Variants in PTPRM observed in about 807,000 individuals in gnomAD.
PTPRM encodes the protein protein tyrosine phosphatase receptor type M.
Under a neutral mutation model 186.7 loss-of-function variants are expected in PTPRM, and 47 were observed. The ratio of observed to expected loss-of-function variants is 0.25; its 90% CI spans 0.20 to 0.32. PTPRM has a LOEUF of 0.32. Among genes scored for constraint, PTPRM ranks in the 10% least tolerant of loss-of-function variants. PTPRM has a pLI of 1.00. For synonymous variants in PTPRM, 668 were observed against 674.9 expected (o/e 0.99, Z 0.16); for missense variants, 1,494 against 1,865.0 (o/e 0.80, Z 3.66).
At chr18:8,248,296 G>C (rs2094496327) in intron 17 of PTPRM, 120 bp downstream of exon 17, 2 of 996,302 alleles carry the variant, frequency 2.0e-6, no homozygotes, top group Non-Finnish European at 1.6e-6. Flanking sequence ...CACGACATGT[G>C]GGAGGTGGGT....
intron 2 of PTPRM, among the ~76,000 whole-genome samples, chr18:7,839,559 A>G (rs1379858988): frequency 6.6e-6 from 1 of 152,212 alleles, no homozygotes; most frequent in South Asian, 2.1e-4. Context: ...AGCTAGTATT[A>G]TAGATGTAAG....
At chr18:7,943,856 C>T (rs1380129830) in intron 5 of PTPRM, among the ~76,000 whole-genome samples, 1 of 152,146 alleles carries the variant, frequency 6.6e-6, no homozygotes. Context: ...TCTCTAGACC[C>T]TTATTTTAAT....
chr18:8,393,553 A>G (rs684391), intron 31 of PTPRM, among the ~76,000 whole-genome samples: 152,063 of 152,344 alleles, frequency 1, 75,892 homozygotes, highest in Middle Eastern at 1. Flanking sequence ...AGGAACTAGT[A>G]AGATGTGACT....
intron 32 of PTPRM, among the ~76,000 whole-genome samples, chr18:8,397,182 A>C (rs2095849220): frequency 6.6e-6 from 1 of 152,224 alleles, no homozygotes; most frequent in Non-Finnish European, 1.5e-5. Context: ...GGTGCAATAG[A>C]GGGGCCCTCG....
At chr18:7,911,910 T>G (rs2050291916) in intron 4 of PTPRM, among the ~76,000 whole-genome samples, 2 of 141,618 alleles carry the variant, frequency 1.4e-5, no homozygotes, top group Non-Finnish European at 3.0e-5. Flanking sequence ...TGGAGTGCAG[T>G]GCTGTGATCT....
chr18:7,743,179 T>C (rs572555141), intron 1 of PTPRM, among the ~76,000 whole-genome samples: 19 of 152,360 alleles, frequency 1.2e-4, no homozygotes, highest in African/African-American at 4.6e-4. Flanking sequence ...CTACTGCCTG[T>C]ATGGCCGCTG....
chr18:8,359,000 G>C (rs1298601304), intron 23 of PTPRM, among the ~76,000 whole-genome samples: 1 of 152,168 alleles, frequency 6.6e-6, no homozygotes, highest in Admixed American at 6.5e-5. Flanking sequence ...CACTACACCT[G>C]TTTGAAATGA....
chr18:7,746,713 G>T (rs538729527), intron 1 of PTPRM, among the ~76,000 whole-genome samples: 1 of 152,236 alleles, frequency 6.6e-6, no homozygotes, highest in East Asian at 1.9e-4. Context: ...TGATCTTCCT[G>T]CCTTGACCTC....
intron 23 of PTPRM, among the ~76,000 whole-genome samples, chr18:8,367,336 G>T (rs1489627240): frequency 6.6e-6 from 1 of 152,252 alleles, no homozygotes; most frequent in Non-Finnish European, 1.5e-5. Context: ...CTGTGCTCGG[G>T]AGGGGCCTTG....
intron 4 of PTPRM, among the ~76,000 whole-genome samples, chr18:7,925,482 C>T (rs899343785): frequency 3.9e-5 from 6 of 152,060 alleles, no homozygotes; most frequent in African/African-American, 1.4e-4. Context: ...TACGTTCTGC[C>T]CAGGCTAATA....
rs569112420 is a variant in PTPRM at position 8,395,551 on chromosome 18, A to G, written c.4344+940A>G. 3.3e-3 allele frequency among the ~76,000 whole-genome samples: 494 copies of G among 151,714 alleles called. 1 individual carries two copies. Among genetic ancestry groups the G allele is most frequent in the Admixed American group, 5.4e-3 (82 of 15,224 alleles). ...AAACGTGTCCCACTCATCACGAACC[A>G]CTCTCCAGGGCATCCACTTTGCCCA... On this transcript the variant is annotated intron_variant, in intron 32 of 32. Coordinates refer to ENST00000580170, the MANE Select transcript of PTPRM (RefSeq NM_001105244.2).
intron 7 of PTPRM, among the ~76,000 whole-genome samples, chr18:7,998,918 C>G (rs1007447418): frequency 7.2e-5 from 11 of 152,148 alleles, no homozygotes; most frequent in African/African-American, 2.7e-4. Flanking sequence ...GCCTCCCAAA[C>G]TGCTGGGATT....
At chr18:8,314,571 T>G (rs566206356) in intron 20 of PTPRM, among the ~76,000 whole-genome samples, 13 of 152,368 alleles carry the variant, frequency 8.5e-5, no homozygotes, top group African/African-American at 3.1e-4. Flanking sequence ...AATAAGTTAA[T>G]GAGATTTACT....
intron 13 of PTPRM, among the ~76,000 whole-genome samples, chr18:8,138,299 G>A (rs1273462564): frequency 6.6e-6 from 1 of 151,082 alleles, no homozygotes; most frequent in Non-Finnish European, 1.5e-5. Flanking sequence ...TACAGCCACA[G>A]CCCCACTTCC....
chr18:8,262,776 A>G (rs2094647808), intron 19 of PTPRM, among the ~76,000 whole-genome samples: 1 of 152,230 alleles, frequency 6.6e-6, no homozygotes, highest in South Asian at 2.1e-4. Flanking sequence ...TTTATTCAGT[A>G]CGTATTTGAC....
chr18:8,366,602 A>G (rs1305516477), intron 23 of PTPRM, among the ~76,000 whole-genome samples: 3 of 152,158 alleles, frequency 2.0e-5, no homozygotes, highest in Non-Finnish European at 4.4e-5. Flanking sequence ...ATCTTTTTTC[A>G]GGAAGTTAGA....
intron 2 of PTPRM, among the ~76,000 whole-genome samples, chr18:7,801,680 C>T (rs1210668759): frequency 6.6e-6 from 1 of 152,168 alleles, no homozygotes; most frequent in Non-Finnish European, 1.5e-5. Flanking sequence ...ACTCGCAGCA[C>T]GGAAGGCTTT....
At chr18:8,352,921 T>C (rs377233716) in intron 23 of PTPRM, among the ~76,000 whole-genome samples, 3 of 152,108 alleles carry the variant, frequency 2.0e-5, no homozygotes, top group Non-Finnish European at 4.4e-5. Flanking sequence ...CCACCTGCCT[T>C]GGCCTCCCAA....
rs770023054 is a variant in PTPRM at position 7,978,829 on chromosome 18, C to G, written c.1132+23415C>G. On this transcript the variant is annotated intron_variant, in intron 7 of 32. Transcript: ENST00000580170. Reference sequence around the variant, plus strand: ...GTCTGTGAGCACGTGACAGAGTATTCTTTCATATAAATTCCAATAATGTTA... The same window carrying G: ...GTCTGTGAGCACGTGACAGAGTATTGTTTCATATAAATTCCAATAATGTTA... 2.6e-5 allele frequency among the ~76,000 whole-genome samples: 4 copies of G among 152,214 alleles called. No homozygotes were observed. In the Middle Eastern group the frequency reaches 0.014, roughly 518 times the overall value.
Sources: allele counts gnomAD v4.1 joint callset (sites outside exome capture counted in the v4.1 genomes callset), GRCh38; gene constraint gnomAD v4.1.1; transcripts MANE v1.5; gene names NCBI Gene and HGNC (gene_info 2026-07-23, HGNC 2026-07-21).